FGD5: variants seen among roughly 807,000 people sequenced by gnomAD.
FGD5 encodes FYVE, RhoGEF and PH domain containing 5.
Under a neutral mutation model 133.4 loss-of-function variants are expected in FGD5, and 28 were observed. The ratio of observed to expected loss-of-function variants is 0.21; its 90% CI spans 0.16 to 0.29. The LOEUF is 0.29. FGD5 is among the 10% of genes least tolerant of loss of function. The pLI is 1.00. For synonymous variants in FGD5, 810 were observed against 776.5 expected, an observed-to-expected ratio of 1.04 and a Z score of -0.72; for missense variants, 1,858 against 1,895.2, an observed-to-expected ratio of 0.98 and a Z score of 0.36.
intron 10 of FGD5, among the ~76,000 whole-genome samples, 178 bp from the exon 11 acceptor site, chr3:14,910,683 C>T (rs529250203): frequency 5.7e-4 from 87 of 152,338 alleles, no homozygotes; most frequent in African/African-American, 2.1e-3. Flanking sequence ...AGGGATTTAT[C>T]TGCTAGCTGC....
intron 1 of FGD5, among the ~76,000 whole-genome samples, chr3:14,838,697 T>A (rs2036863212): frequency 6.6e-6 from 1 of 152,202 alleles, no homozygotes; most frequent in Non-Finnish European, 1.5e-5. Context: ...ATAATTCCTC[T>A]CCATCTATGA....
At chr3:14,826,996 C>T (rs1026928238) in intron 1 of FGD5, among the ~76,000 whole-genome samples, 1 of 152,164 alleles carries the variant, frequency 6.6e-6, no homozygotes, top group African/African-American at 2.4e-5. Flanking sequence ...GACAGCAAGA[C>T]TAGGGGTTTT....
chr3:14,932,796 G>C, intron 19 of FGD5, 65 bp downstream of exon 19: 1 of 1,564,380 alleles, frequency 6.4e-7, no homozygotes, highest in Non-Finnish European at 8.7e-7. Context: ...GTTGTTTCTT[G>C]GGGCTTTGGC....
At chr3:14,886,177 C>T (rs1347574001) in intron 4 of FGD5, among the ~76,000 whole-genome samples, 1 of 152,228 alleles carries the variant, frequency 6.6e-6, no homozygotes. Flanking sequence ...TTAACCATTG[C>T]ATCTATATCC....
intron 2 of FGD5, among the ~76,000 whole-genome samples, chr3:14,867,894 G>A (rs1375868734): frequency 6.6e-6 from 1 of 152,128 alleles, no homozygotes; most frequent in African/African-American, 2.4e-5. Context: ...ATTGAGGAGT[G>A]GTCACCCTGT....
chr3:14,836,276 T>A (rs956495272), intron 1 of FGD5, among the ~76,000 whole-genome samples: 1 of 152,186 alleles, frequency 6.6e-6, no homozygotes, highest in African/African-American at 2.4e-5. Context: ...GGAAGCTCCT[T>A]GTAGATGCTG....
intron 9 of FGD5, among the ~76,000 whole-genome samples, chr3:14,905,397 T>A (rs2038319375): frequency 6.6e-6 from 1 of 152,184 alleles, no homozygotes; most frequent in Non-Finnish European, 1.5e-5. Context: ...GTTGTGATTC[T>A]TGAGCTTCTT....
chr3:14,901,146 C>G (rs1353689329), intron 9 of FGD5, 85 bp downstream of exon 9: 5 of 1,373,352 alleles, frequency 3.6e-6, no homozygotes, highest in Non-Finnish European at 4.2e-6. Flanking sequence ...TGATGCCCCA[C>G]TCCTAGGGGC....
intron 1 of FGD5, among the ~76,000 whole-genome samples, chr3:14,852,068 A>G (rs2037174709): frequency 1.3e-5 from 2 of 152,258 alleles, no homozygotes; most frequent in Non-Finnish European, 2.9e-5. Flanking sequence ...ATATAGATTT[A>G]TCATATGACC....
At chr3:14,886,884 G>T (rs1270279666) in intron 4 of FGD5, among the ~76,000 whole-genome samples, 1 of 152,158 alleles carries the variant, frequency 6.6e-6, no homozygotes, top group African/African-American at 2.4e-5. Context: ...TCCCATTGTG[G>T]TTGGAAAACA....
At chr3:14,837,128 C>G (rs995022034) in intron 1 of FGD5, among the ~76,000 whole-genome samples, 9 of 152,186 alleles carry the variant, frequency 5.9e-5, no homozygotes, top group African/African-American at 2.2e-4. Context: ...AAAACAGAGG[C>G]TGAGAGTGTT....
In FGD5 at chr3:14,926,080, C is replaced by G; in HGVS notation, c.4079C>G (p.Ser1360Cys). 1 of 1,613,794 alleles carries G rather than the reference C, an allele frequency of 6.2e-7. No homozygotes were observed. The highest frequency in any genetic ancestry group is 8.5e-7 in the Non-Finnish European group (1 of 1,179,792). Residue 1360 changes from serine to cysteine, a missense_variant, in exon 18 of 20, where the codon TCT becomes TGT. Ser to Cys is a moderately radical substitution (Grantham distance 112). Around this residue, in one of 3 missense-constraint regions of FGD5, gnomAD observed 1,824 missense variants for 1,848.9 expected, o/e 0.99. Coordinates refer to ENST00000285046, the MANE Select transcript of FGD5 (RefSeq NM_152536.4). ...CTTCCCTCCTGCCAGGTGGCTGCCT[C>G]TGGAGAGGGCTCTGCCATCAGTGGC... Reference protein sequence around the residue: ...VPSALTEVAASGEGSAISGYL... With the variant: ...VPSALTEVAACGEGSAISGYL...
At position 14,933,173 on chromosome 3, in the gene FGD5, A is replaced by T. The variant is rs373404283; in HGVS notation, c.*6A>T. 82 of 1,613,290 alleles carry T rather than the reference A, an allele frequency of 5.1e-5. No individual in the cohort carries two copies. In the African/African-American group the frequency reaches 9.2e-4, roughly 18 times the overall value. On this transcript the variant is annotated 3_prime_UTR_variant, in exon 20 of 20. Coordinates refer to ENST00000285046, the MANE Select transcript of FGD5 (RefSeq NM_152536.4). Reference sequence around the variant, plus strand: ...AAGATGCGAGTGTGTTATAGCAGTTATCAAGCATGTGGACTTGTAACAAAT... The same window carrying T: ...AAGATGCGAGTGTGTTATAGCAGTTTTCAAGCATGTGGACTTGTAACAAAT...
At chr3:14,818,850 T>C (rs6770030), upstream of FGD5, 12,950 of 1,259,952 alleles carry the variant, frequency 0.01, 1,038 homozygotes, top group African/African-American at 0.17. Context: ...TTCACATGGA[T>C]GGACGGAACC....
chr3:14,812,809 C>T (rs779497390), intron 1 of FGD5, among the ~76,000 whole-genome samples: 1 of 152,158 alleles, frequency 6.6e-6, no homozygotes, highest in African/African-American at 2.4e-5. Flanking sequence ...GACTAAAACA[C>T]GTAAGGTGCC....
At chr3:14,811,139 G>C (rs1480317103) in intron 1 of FGD5, among the ~76,000 whole-genome samples, 1 of 152,080 alleles carries the variant, frequency 6.6e-6, no homozygotes, top group African/African-American at 2.4e-5. Flanking sequence ...TATCCCACTC[G>C]CACGGCGTTC....
intron 1 of FGD5, among the ~76,000 whole-genome samples, chr3:14,844,217 A>AAAAAAATATATAT (rs1559477363): frequency 4.9e-5 from 1 of 20,378 alleles, no homozygotes; most frequent in East Asian, 1.9e-3. Flanking sequence ...AAAAAAAAAA[A>AAAAAAATATATAT]ATATATATAT....
chr3:14,838,878 G>T (rs977114942), intron 1 of FGD5, among the ~76,000 whole-genome samples: 2 of 152,172 alleles, frequency 1.3e-5, no homozygotes, highest in Non-Finnish European at 2.9e-5. Flanking sequence ...AATAGAACCA[G>T]CAGTTTCCTA....
At chr3:14,880,541 T>C in intron 2 of FGD5, 31 bp from the exon 3 acceptor site, 1 of 1,611,130 alleles carries the variant, frequency 6.2e-7, no homozygotes, top group Non-Finnish European at 8.5e-7. Context: ...CTGATGCCTG[T>C]CCCACCTGAT....
Sources: gnomAD v4.1 joint callset for allele counts (sites outside exome capture counted in the v4.1 genomes callset) on GRCh38, gnomAD v4.1.1 for gene constraint, gnomAD v4.1.1 regional missense constraint, MANE v1.5 for transcripts, NCBI Gene and HGNC (gene_info 2026-07-23, HGNC 2026-07-21) for gene names.